The following ESRRG variants were observed in gnomAD, a reference collection of about 807,000 sequenced individuals.
ESRRG encodes the protein estrogen-related receptor gamma.
ESRRG carries 13 observed loss-of-function variants against 44.0 expected under a neutral mutation model. The ratio of observed to expected loss-of-function variants is 0.30; its 90% CI spans 0.19 to 0.47. The LOEUF is 0.47. ESRRG is among the 20% of genes least tolerant of loss of function. ESRRG has a pLI of 1.00. For synonymous variants in ESRRG, 215 were observed against 214.6 expected, an observed-to-expected ratio of 1.00 and a Z score of -0.02; for missense variants, 395 against 580.6, an observed-to-expected ratio of 0.68 and a Z score of 3.29.
chr1:216,892,900 C>A (rs568630435), intron 2 of ESRRG, among the ~76,000 whole-genome samples: 8 of 152,078 alleles, frequency 5.3e-5, no homozygotes, highest in Admixed American at 2.0e-4. Context: ...TATATGATGG[C>A]CAACCTTGCC....
chr1:217,010,768 G>C (rs546939477), intron 1 of ESRRG, among the ~76,000 whole-genome samples: 1 of 152,288 alleles, frequency 6.6e-6, no homozygotes, highest in East Asian at 1.9e-4. Context: ...AACAGGCAAA[G>C]ACCAGGAAAA....
chr1:216,838,214 TGTGTTTACTCCTATCA>T (rs147088760), intron 2 of ESRRG, among the ~76,000 whole-genome samples: 345 of 152,350 alleles, frequency 2.3e-3, no homozygotes, highest in African/African-American at 7.8e-3. Flanking sequence ...GAGATCATTA[TGTGTTTACTCCTATCA>T]TACATTCTCA....
chr1:216,928,092 C>T (rs749536756), intron 2 of ESRRG, among the ~76,000 whole-genome samples: 6 of 152,080 alleles, frequency 3.9e-5, no homozygotes, highest in African/African-American at 1.4e-4. Context: ...GGGATTGGAA[C>T]CTAATGGTGA....
intron 1 of ESRRG, among the ~76,000 whole-genome samples, chr1:217,114,310 C>A (rs2092694834): frequency 6.6e-6 from 1 of 151,920 alleles, no homozygotes; most frequent in Non-Finnish European, 1.5e-5. Flanking sequence ...GGTCTCTGTA[C>A]AGAGGGCAGT....
chr1:216,877,733 T>C (rs1374224373), intron 2 of ESRRG, among the ~76,000 whole-genome samples: 1 of 152,114 alleles, frequency 6.6e-6, no homozygotes. Context: ...ATATGTATGT[T>C]TTTAATATAT....
At chr1:216,596,625 A>G (rs2058485808) in intron 3 of ESRRG, among the ~76,000 whole-genome samples, 1 of 152,204 alleles carries the variant, frequency 6.6e-6, no homozygotes, top group South Asian at 2.1e-4. Flanking sequence ...GGCCAACACC[A>G]CTAGCCAATA....
intron 3 of ESRRG, among the ~76,000 whole-genome samples, chr1:216,601,984 G>A (rs1374690979): frequency 6.6e-6 from 1 of 152,110 alleles, no homozygotes; most frequent in Admixed American, 6.6e-5. Flanking sequence ...CAAAGTGAAG[G>A]CTTAAAATGG....
chr1:216,747,919 C>T (rs1028517362), intron 2 of ESRRG, among the ~76,000 whole-genome samples: 2 of 152,148 alleles, frequency 1.3e-5, no homozygotes, highest in African/African-American at 4.8e-5. Context: ...ATTCTATCAA[C>T]TCCATTTTGC....
intron 1 of ESRRG, among the ~76,000 whole-genome samples, chr1:217,066,826 T>C (rs1169445077): frequency 6.6e-6 from 1 of 152,164 alleles, no homozygotes; most frequent in Non-Finnish European, 1.5e-5. Flanking sequence ...TGCCAAAATG[T>C]CTTTGGGGGA....
intron 1 of ESRRG, among the ~76,000 whole-genome samples, chr1:217,025,296 G>A (rs955935701): frequency 3.9e-5 from 6 of 151,916 alleles, no homozygotes; most frequent in East Asian, 1.9e-4. Flanking sequence ...AAAAATAAAC[G>A]CTTAGTAGGG....
intron 1 of ESRRG, among the ~76,000 whole-genome samples, chr1:217,003,472 C>A (rs1028767552): frequency 6.6e-6 from 1 of 151,170 alleles, no homozygotes; most frequent in Non-Finnish European, 1.5e-5. Flanking sequence ...AAGACAAATA[C>A]TCTAAAAATA....
intron 1 of ESRRG, among the ~76,000 whole-genome samples, chr1:217,136,592 C>A (rs1033826044): frequency 6.6e-6 from 1 of 152,150 alleles, no homozygotes; most frequent in African/African-American, 2.4e-5. Flanking sequence ...TCCCTGGACG[C>A]CCTTTTGCTG....
intron 5 of ESRRG, among the ~76,000 whole-genome samples, chr1:216,548,149 C>T (rs192962175): frequency 2.4e-3 from 367 of 152,114 alleles, no homozygotes; most frequent in African/African-American, 8.2e-3. Flanking sequence ...AGAAAAGGTA[C>T]GGAAGTGGCA....
Position 216,507,086 on chromosome 1 carries a change from G to A in ESRRG, c.1230C>T (p.Asp410=), listed in dbSNP as rs751470621. ...QDYEAGQHME[D]PRRAGKMLMT... Reference sequence around the variant, plus strand: ...TCAGCATCTTGCCAGCTCGACGAGGGTCTTCCATGTGCTGGCCAGCTTCAT... The same window carrying A: ...TCAGCATCTTGCCAGCTCGACGAGGATCTTCCATGTGCTGGCCAGCTTCAT... Residue 410 remains aspartate (D), a synonymous_variant, in exon 7 of 7, where the codon GAC becomes GAT. Coordinates refer to ENST00000408911, the MANE Select transcript of ESRRG (RefSeq NM_001438.4). 1.2e-6 allele frequency: 2 copies of A among 1,613,950 alleles called. No individual in the cohort carries two copies. Among genetic ancestry groups the A allele is most frequent in the East Asian group, 2.2e-5 (1 of 44,890 alleles).
chr1:216,980,260 G>A (rs2073724577), intron 1 of ESRRG, among the ~76,000 whole-genome samples: 1 of 152,110 alleles, frequency 6.6e-6, no homozygotes, highest in African/African-American at 2.4e-5. Flanking sequence ...CTCCATGTCT[G>A]CTGCTGATAC....
At chr1:217,099,975 T>C (rs1055413208) in intron 1 of ESRRG, among the ~76,000 whole-genome samples, 1 of 144,724 alleles carries the variant, frequency 6.9e-6, no homozygotes, top group African/African-American at 2.6e-5. Flanking sequence ...TTACATTTTC[T>C]TTTTATCCAG....
intron 2 of ESRRG, among the ~76,000 whole-genome samples, chr1:216,867,118 G>A (rs2096178678): frequency 6.6e-6 from 1 of 152,152 alleles, no homozygotes; most frequent in Admixed American, 6.5e-5. Flanking sequence ...TGCTGACATG[G>A]TCTCAGGAAG....
intron 2 of ESRRG, among the ~76,000 whole-genome samples, chr1:216,675,849 C>CA (rs751472352): frequency 3.3e-5 from 5 of 152,196 alleles, no homozygotes; most frequent in Non-Finnish European, 7.3e-5. Flanking sequence ...TTTGCCTTTA[C>CA]ATTAAGCATC....
chr1:216,646,952 T>G lies in ESRRG; in HGVS notation c.589+4021A>C, dbSNP rs557657311. Among the ~76,000 whole-genome samples, 10 of 152,268 alleles carry G rather than the reference T, an allele frequency of 6.6e-5. 1 individual carries two copies. In the South Asian group the frequency reaches 2.1e-3, roughly 32 times the overall value. ...TGAGTTGCCAAGGTGAAAGCCATCA[T>G]GCCAATAAACATCAAGACACCCTTT... is the stretch of plus-strand genomic sequence containing the variant. On this transcript the variant is annotated intron_variant, in intron 3 of 6. Transcript: ENST00000408911.
Sources: allele counts gnomAD v4.1 joint callset (sites outside exome capture counted in the v4.1 genomes callset), GRCh38; gene constraint gnomAD v4.1.1; transcripts MANE v1.5; gene names NCBI Gene and HGNC (gene_info 2026-07-23, HGNC 2026-07-21).